The following ALDH1A1 variants were observed in gnomAD, a reference collection of about 807,000 sequenced individuals.
ALDH1A1 encodes aldehyde dehydrogenase 1A1.
A neutral mutation model predicts 62.1 loss-of-function variants in ALDH1A1; 19 were observed. That is an observed-to-expected ratio of 0.31 (90% CI 0.21 to 0.45). ALDH1A1 has a LOEUF of 0.45. ALDH1A1 is among the 20% of genes least tolerant of loss of function. The pLI, the probability that ALDH1A1 is intolerant of heterozygous loss-of-function variation, is 1.00. For synonymous variants in ALDH1A1, 231 were observed against 215.9 expected, an observed-to-expected ratio of 1.07 and a Z score of -0.61; for missense variants, 521 against 607.1, an observed-to-expected ratio of 0.86 and a Z score of 1.49.
chr9:72,901,561 T>C (rs1036165362), intron 12 of ALDH1A1, among the ~76,000 whole-genome samples: 15 of 152,074 alleles, frequency 9.9e-5, no homozygotes, highest in Admixed American at 9.8e-4. Context: ...GACATTATTC[T>C]ACTTGATTTT....
At chr9:72,921,545 C>T (rs564831125) in intron 7 of ALDH1A1, among the ~76,000 whole-genome samples, 10 of 99,714 alleles carry the variant, frequency 1.0e-4, no homozygotes, top group South Asian at 3.4e-4. Context: ...TAATTATACT[C>T]TAAGTTTTAG....
intron 1 of ALDH1A1, among the ~76,000 whole-genome samples, chr9:72,945,392 G>A: frequency 6.6e-6 from 1 of 151,874 alleles, no homozygotes; most frequent in East Asian, 1.9e-4. Flanking sequence ...CTTTCTTGGT[G>A]GGAGAGAGAT....
At chr9:72,904,015 T>C (rs1829841092) in intron 12 of ALDH1A1, among the ~76,000 whole-genome samples, 4 of 152,110 alleles carry the variant, frequency 2.6e-5, no homozygotes, top group Admixed American at 2.0e-4. Context: ...ATTTACACTT[T>C]GTGACAGTTA....
intron 2 of ALDH1A1, 93 bp downstream of exon 2, chr9:72,940,055 T>G: frequency 1.2e-6 from 1 of 844,296 alleles, no homozygotes; most frequent in South Asian, 1.6e-5. Context: ...TTTCATGGCA[T>G]GTCTTTTGGA....
rs539236717 is a variant in ALDH1A1, at chr9:72,930,959, G to T, written c.232C>A (p.Arg78Ser). 5 of 1,613,964 alleles carry T rather than the reference G, an allele frequency of 3.1e-6. No individual in the cohort carries two copies. The highest frequency in any genetic ancestry group is 4.2e-6 in the Non-Finnish European group (5 of 1,179,954). Reference sequence around the variant, plus strand: ...CCCCTCTCGGAAGCATCCATAGTACGCCACGGGGATCCAATCTGAAAAGCC... The same window carrying T: ...CCCCTCTCGGAAGCATCCATAGTACTCCACGGGGATCCAATCTGAAAAGCC... ...RQAFQIGSPW[R>S]TMDASERGRL... Residue 78 changes from arginine to serine, a missense_variant, in exon 3 of 13, where the codon CGT (arginine) becomes AGT (serine). Transcript: ENST00000297785.
intron 12 of ALDH1A1, 132 bp downstream of exon 12, chr9:72,905,826 T>G: frequency 1.5e-6 from 1 of 674,738 alleles, no homozygotes; most frequent in Non-Finnish European, 2.5e-6. Context: ...TAATAAGCTA[T>G]TTGGTGCTAT....
chr9:72,952,877 T>C, intron 1 of ALDH1A1, 58 bp downstream of exon 1: 1 of 1,591,282 alleles, frequency 6.3e-7, no homozygotes, highest in Non-Finnish European at 8.6e-7. Context: ...TTTAATGCTT[T>C]ACATAAATGC....
At chr9:72,928,082 G>C (rs889808761) in intron 4 of ALDH1A1, among the ~76,000 whole-genome samples, 1 of 150,418 alleles carries the variant, frequency 6.6e-6, no homozygotes, top group African/African-American at 2.4e-5. Flanking sequence ...TAGTACCACC[G>C]AGGTCTTACT....
chr9:72,950,644 T>A (rs1267213539), intron 1 of ALDH1A1, among the ~76,000 whole-genome samples: 1 of 151,730 alleles, frequency 6.6e-6, no homozygotes, highest in Non-Finnish European at 1.5e-5. Flanking sequence ...GTAGTTGTAA[T>A]ATTTTTTTTT....
chr9:72,926,271 A>C (rs1026645554), intron 5 of ALDH1A1, among the ~76,000 whole-genome samples: 11 of 152,244 alleles, frequency 7.2e-5, no homozygotes, highest in Non-Finnish European at 1.6e-4. Context: ...AGTAGTACAT[A>C]TCAGCTATTA....
intron 6 of ALDH1A1, among the ~76,000 whole-genome samples, chr9:72,924,841 T>C (rs554939388): frequency 3.6e-4 from 55 of 152,342 alleles, no homozygotes; most frequent in Non-Finnish European, 6.9e-4. Context: ...TTAACATTTA[T>C]TTTTTAAGAT....
At chr9:72,901,653 G>A (rs866773948) in intron 12 of ALDH1A1, among the ~76,000 whole-genome samples, 1 of 151,920 alleles carries the variant, frequency 6.6e-6, no homozygotes, top group East Asian at 1.9e-4. Context: ...AAGACAATTC[G>A]ACCCAACAAG....
At position 72,940,054 on chromosome 9, in the gene ALDH1A1, A is replaced by T. The variant is rs7027713; in HGVS notation, c.171+94T>A. The T allele has an allele frequency of 8.1e-3, 6,747 of 832,316 alleles. 277 individuals carry two copies. In the African/African-American group the frequency reaches 0.094, roughly 12 times the overall value. 51.6% of individuals were successfully genotyped at this position (832,316 alleles called of 1,614,324 possible). A position where few individuals can be genotyped will look rare whatever the true frequency, so the allele number is the denominator to read the frequency against. Reference sequence around the variant, plus strand: ...GCCCCAGAAACCATATTTTCATGGCATGTCTTTTGGAGCTTGCAATGGGGT... The same window carrying T: ...GCCCCAGAAACCATATTTTCATGGCTTGTCTTTTGGAGCTTGCAATGGGGT... On this transcript the variant is annotated intron_variant, in intron 2 of 12. Coordinates refer to ENST00000297785, the MANE Select transcript of ALDH1A1 (RefSeq NM_000689.5).
chr9:72,949,848 A>T (rs1335471155), intron 1 of ALDH1A1, among the ~76,000 whole-genome samples: 1 of 151,252 alleles, frequency 6.6e-6, no homozygotes, highest in Admixed American at 6.6e-5. Flanking sequence ...ATAAAAAAAA[A>T]AAAAGAAAAA....
At chr9:72,908,265 G>GAAAAAAAC (rs1229859495) in intron 11 of ALDH1A1, among the ~76,000 whole-genome samples, 1 of 150,524 alleles carries the variant, frequency 6.6e-6, no homozygotes, top group Admixed American at 6.6e-5. Flanking sequence ...ACTAAAAAAA[G>GAAAAAAAC]AAAAAAACAA....
At chr9:72,926,307 T>A (rs952289507) in intron 5 of ALDH1A1, among the ~76,000 whole-genome samples, 2 of 152,214 alleles carry the variant, frequency 1.3e-5, no homozygotes, top group Non-Finnish European at 2.9e-5. Context: ...ATATAGTTTT[T>A]ATCGATTTAT....
chr9:72,906,786 C>T (rs1330291), intron 11 of ALDH1A1, among the ~76,000 whole-genome samples: 1,862 of 152,226 alleles, frequency 0.012, 59 homozygotes, highest in Admixed American at 0.064. Flanking sequence ...TCTCATTATA[C>T]GCAAGAGAAA....
At chr9:72,949,880 T>C (rs1216204596) in intron 1 of ALDH1A1, among the ~76,000 whole-genome samples, 4 of 151,104 alleles carry the variant, frequency 2.6e-5, no homozygotes, top group African/African-American at 9.7e-5. Flanking sequence ...AACAACAGTA[T>C]TGTGAAGAGA....
Position 72,917,119 on chromosome 9 carries a change from T to G in ALDH1A1, c.851-15A>C, listed in dbSNP as rs751679589. The G allele has an allele frequency of 1.3e-6, 2 of 1,484,110 alleles. No homozygotes were observed. The highest frequency in any genetic ancestry group is 3.1e-5 in the South Asian group (2 of 64,754). The allele number at this position is 1,484,110 out of a possible 1,614,324, so 91.9% of individuals were successfully genotyped here. ...AGCATTGTCCACTGCGAAGAAGACA[T>G]TCACATTAAAGATATATTTTATAAA... is the stretch of plus-strand genomic sequence containing the variant. On this transcript the variant is annotated splice_polypyrimidine_tract_variant and intron_variant, in intron 8 of 12. Coordinates refer to ENST00000297785, the MANE Select transcript of ALDH1A1 (RefSeq NM_000689.5).
Sources: allele counts gnomAD v4.1 joint callset (sites outside exome capture counted in the v4.1 genomes callset), GRCh38; gene constraint gnomAD v4.1.1; transcripts MANE v1.5; gene names NCBI Gene and HGNC (gene_info 2026-07-23, HGNC 2026-07-21).